The following KCNJ6 variants were observed in gnomAD, a reference collection of about 807,000 sequenced individuals.
KCNJ6 encodes potassium inwardly rectifying channel subfamily J member 6.
In KCNJ6, 9 loss-of-function variants were observed where a neutral mutation model predicts 34.2. The observed-to-expected ratio is 0.26, with a 90% CI of 0.16 to 0.46. The LOEUF (loss-of-function observed/expected upper bound fraction) is 0.46, where lower values mean the gene tolerates loss of function less well. Ranked by LOEUF, KCNJ6 falls within the 20% of genes least tolerant of loss-of-function variation. The pLI, the probability that KCNJ6 is intolerant of heterozygous loss-of-function variation, is 1.00. For missense variants in KCNJ6, 236 were observed against 531.3 expected (o/e 0.44, Z 5.46); for synonymous variants, 196 against 207.1 (o/e 0.95, Z 0.46).
intron 1 of KCNJ6, among the ~76,000 whole-genome samples, chr21:37,875,797 A>G (rs555214479): frequency 1.3e-5 from 2 of 152,348 alleles, no homozygotes; most frequent in South Asian, 4.1e-4. Context: ...GCTAGTCTGC[A>G]GGTGTTTCCA....
chr21:37,743,514 C>G (rs555328041), intron 2 of KCNJ6, among the ~76,000 whole-genome samples: 4 of 152,232 alleles, frequency 2.6e-5, no homozygotes, highest in South Asian at 2.1e-4. Context: ...AGGGCTCCCC[C>G]CTCACGGATG....
At chr21:37,875,217 A>C (rs1342508205) in intron 1 of KCNJ6, among the ~76,000 whole-genome samples, 1 of 152,158 alleles carries the variant, frequency 6.6e-6, no homozygotes, top group African/African-American at 2.4e-5. Context: ...CTCCCCAACA[A>C]ACAGGCATTA....
chr21:37,642,352 CAGT>C (rs1273645667), intron 3 of KCNJ6, among the ~76,000 whole-genome samples: 1 of 151,972 alleles, frequency 6.6e-6, no homozygotes, highest in African/African-American at 2.4e-5. Flanking sequence ...GCTGGAGAGG[CAGT>C]AGAAGATCCG....
intron 1 of KCNJ6, among the ~76,000 whole-genome samples, chr21:37,895,553 C>G (rs538461416): frequency 6.6e-5 from 10 of 152,336 alleles, no homozygotes; most frequent in Admixed American, 6.5e-4. Flanking sequence ...AGAGGTCATT[C>G]TTTGGAAGCA....
Position 37,616,743 on chromosome 21 carries a change from G to A in KCNJ6, c.*8416C>T, listed in dbSNP as rs1041382981. The A allele has an allele frequency of 6.6e-6, 1 of 150,854 alleles. No homozygotes were observed. The highest frequency in any genetic ancestry group is 6.6e-5 in the Admixed American group (1 of 15,092). The allele number at this position is 150,854 out of a possible 1,614,324, so 9.3% of individuals were successfully genotyped here. A position where few individuals can be genotyped will look rare whatever the true frequency, so the allele number is the denominator to read the frequency against. ...TCAAAAATGATATTAACCTTCCAAC[G>A]GGGGTGCCAGGAAAAGTGAAGTTTT... On this transcript the variant is annotated 3_prime_UTR_variant, in exon 4 of 4. Coordinates refer to ENST00000609713, the MANE Select transcript of KCNJ6 (RefSeq NM_002240.5).
At chr21:37,772,942 C>T (rs1281810011) in intron 2 of KCNJ6, among the ~76,000 whole-genome samples, 4 of 152,124 alleles carry the variant, frequency 2.6e-5, no homozygotes, top group Admixed American at 2.6e-4. Context: ...TTTCAGGAAG[C>T]CTGATGAGTT....
Position 37,899,847 on chromosome 21 carries a change from G to GAA in KCNJ6, c.-28+16035_-28+16036dup, listed in dbSNP as rs552600609. 3.3e-5 allele frequency among the ~76,000 whole-genome samples: 5 copies of GAA among 152,220 alleles called. No individual in the cohort carries two copies. The South Asian group carries it at 8.3e-4, about 25-fold the overall frequency. ...GCTTAATGACTGGGACATTATTGCT[G>GAA]AAAGCTAGTAGCATATGAGTTCCAC... On this transcript the variant is annotated intron_variant, in intron 1 of 3. Transcript: ENST00000609713.
At chr21:37,907,603 C>T (rs79458956) in intron 1 of KCNJ6, among the ~76,000 whole-genome samples, 2,285 of 152,282 alleles carry the variant, frequency 0.015, 55 homozygotes, top group African/African-American at 0.051. Context: ...ACCTCTGCCC[C>T]GCTCTGACTA....
intron 1 of KCNJ6, among the ~76,000 whole-genome samples, chr21:37,872,949 C>T (rs1171960797): frequency 6.6e-6 from 1 of 152,174 alleles, no homozygotes; most frequent in Non-Finnish European, 1.5e-5. Context: ...AGGTGCCTTC[C>T]ACCATGATTG....
At chr21:37,865,845 G>T (rs908035224) in intron 1 of KCNJ6, among the ~76,000 whole-genome samples, 1 of 152,168 alleles carries the variant, frequency 6.6e-6, no homozygotes, top group Non-Finnish European at 1.5e-5. Context: ...AGACCAAATG[G>T]TCCTAACAGA....
chr21:37,645,018 T>TTG (rs1569436358), intron 3 of KCNJ6, among the ~76,000 whole-genome samples: 1 of 39,190 alleles, frequency 2.6e-5, no homozygotes, highest in African/African-American at 6.1e-5. Context: ...AACAGGTGGG[T>TTG]TTTTTTTTTT....
At chr21:37,648,297 T>G (rs2054415108) in intron 3 of KCNJ6, among the ~76,000 whole-genome samples, 1 of 152,130 alleles carries the variant, frequency 6.6e-6, no homozygotes, top group South Asian at 2.1e-4. Flanking sequence ...GTCTTGCAAG[T>G]AGCTGGGCCT....
rs552056998 is a variant in KCNJ6 at position 37,610,742 on chromosome 21, T to C, written c.*14417A>G. 1.3e-5 allele frequency: 2 copies of C among 151,284 alleles called. No homozygotes were observed. Among genetic ancestry groups the C allele is most frequent in the East Asian group, 3.9e-4 (2 of 5,132 alleles). 9.4% of individuals were successfully genotyped at this position (151,284 alleles called of 1,614,324 possible). ...AGATTAAACAACACACGTGTAAATA[T>C]CATGGGTCAAAGAAGAAATCTCAAG... On this transcript the variant is annotated 3_prime_UTR_variant, in exon 4 of 4. Coordinates refer to ENST00000609713, the MANE Select transcript of KCNJ6 (RefSeq NM_002240.5).
At chr21:37,828,452 G>A (rs2055409384) in intron 2 of KCNJ6, among the ~76,000 whole-genome samples, 1 of 152,200 alleles carries the variant, frequency 6.6e-6, no homozygotes, top group African/African-American at 2.4e-5. Flanking sequence ...GGCTGTCCCA[G>A]CTCACACACC....
intron 1 of KCNJ6, among the ~76,000 whole-genome samples, chr21:37,867,142 T>C (rs2055626633): frequency 6.6e-6 from 1 of 152,224 alleles, no homozygotes; most frequent in Non-Finnish European, 1.5e-5. Flanking sequence ...TTTTGTAACA[T>C]TTATATGATT....
intron 3 of KCNJ6, among the ~76,000 whole-genome samples, chr21:37,702,246 A>AAG (rs2054695306): frequency 6.6e-6 from 1 of 151,448 alleles, no homozygotes; most frequent in Non-Finnish European, 1.5e-5. Context: ...AAAAAAAAAA[A>AAG]AAAAAAAAGC....
rs550911048 is a variant in KCNJ6 at position 37,773,486 on chromosome 21, G to A, written c.26-58355C>T. On this transcript the variant is annotated intron_variant, in intron 2 of 3. Coordinates refer to ENST00000609713, the MANE Select transcript of KCNJ6 (RefSeq NM_002240.5). ...GGGAAGGTGTGAAGTCGCTAACTAC[G>A]GATCTCCCTTCATCCCTCCCCTTCA... Among the ~76,000 whole-genome samples, 3 of 152,156 alleles carry A rather than the reference G, an allele frequency of 2.0e-5. No individual in the cohort carries two copies. The South Asian group carries it at 6.2e-4, about 32-fold the overall frequency.
intron 3 of KCNJ6, among the ~76,000 whole-genome samples, chr21:37,682,735 G>C (rs977454185): frequency 6.6e-6 from 1 of 152,178 alleles, no homozygotes; most frequent in African/African-American, 2.4e-5. Flanking sequence ...GTGGTCACCA[G>C]TCAACTCACT....
In KCNJ6 at chr21:37,620,738, A is replaced by G. The variant is rs2054287569; in HGVS notation, c.*4421T>C. 6.6e-6 allele frequency: 1 copy of G among 152,234 alleles called. No individual in the cohort carries two copies. The highest frequency in any genetic ancestry group is 6.5e-5 in the Admixed American group (1 of 15,286). The allele number at this position is 152,234 out of a possible 1,614,324, so 9.4% of individuals were successfully genotyped here. On this transcript the variant is annotated 3_prime_UTR_variant, in exon 4 of 4. Coordinates refer to ENST00000609713, the MANE Select transcript of KCNJ6 (RefSeq NM_002240.5). ...ACTCAACCTCTCATGGTGAATTAGA[A>G]TGAAATAAGATAATTTGTACAAGTG...
Sources: gnomAD v4.1 joint callset for allele counts (sites outside exome capture counted in the v4.1 genomes callset) on GRCh38, gnomAD v4.1.1 for gene constraint, MANE v1.5 for transcripts, NCBI Gene and HGNC (gene_info 2026-07-23, HGNC 2026-07-21) for gene names.